BRCA1: variants seen among roughly 807,000 people sequenced by gnomAD.
BRCA1 encodes BRCA1 DNA repair associated.
A neutral mutation model predicts 173.7 loss-of-function variants in BRCA1; 140 were observed. The ratio of observed to expected loss-of-function variants is 0.81; its 90% CI spans 0.70 to 0.93. The LOEUF is 0.93. Among genes scored for constraint, BRCA1 ranks in the 40% least tolerant of loss-of-function variants. BRCA1 has a pLI of 0.00. For synonymous variants in BRCA1, 662 were observed against 756.0 expected (o/e 0.88, Z 2.04); for missense variants, 1,983 against 2,172.5 (o/e 0.91, Z 1.73).
In BRCA1 at chr17:43,091,566, T is replaced by G. The variant is rs80357042; in HGVS notation, c.3965A>C (p.Lys1322Thr). The part of the protein sequence containing the change: ...TQDPFLIGSS[K>T]QMRHQSESQG... Reference sequence around the variant, plus strand: ...GCTTTCAGACTGATGCCTCATTTGTTTGGAAGAACCAATCAAGAAAGGATC... The same window carrying G: ...GCTTTCAGACTGATGCCTCATTTGTGTGGAAGAACCAATCAAGAAAGGATC... The change falls in exon 10 of 23, where the codon AAA becomes ACA. Residue 1322 changes from lysine to threonine, a missense_variant. Physicochemically the swap from Lys to Thr is moderately conservative, Grantham distance 78 (BLOSUM62 -1). Coordinates refer to ENST00000357654, the MANE Select transcript of BRCA1 (RefSeq NM_007294.4). 1 of 1,614,090 alleles carries G rather than the reference T, an allele frequency of 6.2e-7. No individual in the cohort carries two copies. Among genetic ancestry groups the G allele is most frequent in the Non-Finnish European group, 8.5e-7 (1 of 1,180,040 alleles).
rs80357086 is a variant in BRCA1, at chr17:43,106,480, A to T, written c.188T>A (p.Leu63Ter). Residue 63 changes from leucine (L) to a stop codon, truncating the protein, a stop_gained, in exon 4 of 23, where the codon TTA becomes TAA. Coordinates refer to ENST00000357654, the MANE Select transcript of BRCA1 (RefSeq NM_007294.4). LOFTEE classifies it high-confidence loss of function. ...CCTTTTGGTTATATCATTCTTACAT[A>T]AAGGACACTGTGAAGGCCCTTTCTT... ...NQKKGPSQCPLCKNDITKRSL... is the reference protein window; with the variant it reads ...NQKKGPSQCP 5 of 1,603,198 alleles carry T rather than the reference A, an allele frequency of 3.1e-6. No individual in the cohort carries two copies. The East Asian group carries it at 1.1e-4, about 36-fold the overall frequency.
intron 3 of BRCA1, chr17:43,110,643 A>G (rs1380468954): frequency 2.7e-6 from 1 of 369,384 alleles, no homozygotes; most frequent in Non-Finnish European, 5.4e-6. Flanking sequence ...TATTGCTCAC[A>G]TTCTATCTCT....
intron 12 of BRCA1, among the ~76,000 whole-genome samples, chr17:43,080,661 T>C (rs2052964848): frequency 6.6e-6 from 1 of 151,834 alleles, no homozygotes; most frequent in Admixed American, 6.6e-5. Context: ...AAAAAAAAAT[T>C]AGCTGGGTAT....
In BRCA1 at chr17:43,092,776, G is replaced by T. The variant is rs2154361097; in HGVS notation, c.2755C>A (p.Pro919Thr). Residue 919 changes from proline (P) to threonine (T), a missense_variant, in exon 10 of 23, where the codon CCT (proline) becomes ACT (threonine). Coordinates refer to ENST00000357654, the MANE Select transcript of BRCA1 (RefSeq NM_007294.4). Reference sequence around the variant, plus strand: ...GCAGTGATATTAACTGTCTGTACAGGCTTGATATTAGACTCATTCTTTCCT... The same window carrying T: ...GCAGTGATATTAACTGTCTGTACAGTCTTGATATTAGACTCATTCTTTCCT... Reference protein sequence around the residue: ...NQGKNESNIKPVQTVNITAGF... With the variant: ...NQGKNESNIKTVQTVNITAGF... The T allele has an allele frequency of 6.2e-7, 1 of 1,613,996 alleles. No individual in the cohort carries two copies. Among genetic ancestry groups the T allele is most frequent in the Non-Finnish European group, 8.5e-7 (1 of 1,179,978 alleles).
chr17:43,074,274 T>C lies in BRCA1; in HGVS notation c.4675+57A>G. On this transcript the variant is annotated intron_variant, in intron 14 of 22. Coordinates refer to ENST00000357654, the MANE Select transcript of BRCA1 (RefSeq NM_007294.4). ...AAGTTGGTTAACCAGAATATCTTTA[T>C]GTAGGATTCAGAGTAAAATCAAAGT... 3 of 1,591,560 alleles carry C rather than the reference T, an allele frequency of 1.9e-6. No individual in the cohort carries two copies. In the South Asian group the frequency reaches 3.3e-5, roughly 18 times the overall value.
chr17:43,140,799 C>T (rs914167978), intron 1 of BRCA1, among the ~76,000 whole-genome samples: 5 of 152,182 alleles, frequency 3.3e-5, no homozygotes, highest in Non-Finnish European at 5.9e-5. Flanking sequence ...CCAGGCACAA[C>T]GTCTGGCATG....
intron 8 of BRCA1, 121 bp downstream of exon 8, chr17:43,097,123 C>T: frequency 9.8e-7 from 1 of 1,019,248 alleles, no homozygotes; most frequent in Non-Finnish European, 1.5e-6. Context: ...ACAAACTGCA[C>T]ATACATCCCT....
rs1259139517 is a variant in BRCA1, at chr17:43,076,582, G to C, written c.4390C>G (p.Pro1464Ala). ...AGGCCTTCTGGATTCTGGCTTATAG[G>C]GTATTCACTACTTTTCTGTGAAGTT... ...VLTSQKSSEY[P>A]ISQNPEGLSA... The change falls in exon 13 of 23, where the codon CCT (proline) becomes GCT (alanine). Residue 1464 changes from proline (P) to alanine (A), a missense_variant. Physicochemically the swap from Pro to Ala is conservative, Grantham distance 27 (BLOSUM62 -1). Transcript: ENST00000357654. 15 of 1,613,410 alleles carry C rather than the reference G, an allele frequency of 9.3e-6. No homozygotes were observed. Among genetic ancestry groups the C allele is most frequent in the Non-Finnish European group, 1.3e-5 (15 of 1,179,678 alleles).
intron 18 of BRCA1, among the ~76,000 whole-genome samples, chr17:43,059,617 C>CTATTAATATTAA (rs754660020): frequency 4.1e-4 from 62 of 152,266 alleles, no homozygotes; most frequent in Middle Eastern, 3.4e-3. Flanking sequence ...TTTAATATTA[C>CTATTAATATTAA]TAACAAGATC....
chr17:43,135,455 G>T (rs775819790), intron 1 of BRCA1, among the ~76,000 whole-genome samples: 1 of 152,232 alleles, frequency 6.6e-6, no homozygotes, highest in African/African-American at 2.4e-5. Flanking sequence ...GGCTGCGACA[G>T]GGACCTGATA....
At chr17:43,149,265 GT>G (rs57452879) in intron 1 of BRCA1, among the ~76,000 whole-genome samples, 8,575 of 116,870 alleles carry the variant, frequency 0.073, 651 homozygotes, top group African/African-American at 0.22. Flanking sequence ...CACCGGGCTA[GT>G]TTTTTTTTTT....
chr17:43,094,900 A>C, intron 9 of BRCA1, 40 bp from the exon 10 acceptor site: 1 of 1,545,506 alleles, frequency 6.5e-7, no homozygotes, highest in East Asian at 2.4e-5. Context: ...CAAAAACTGA[A>C]TTGTCATTAA....
At chr17:43,089,715 TA>T (rs1024880674) in intron 11 of BRCA1, among the ~76,000 whole-genome samples, 26 of 147,352 alleles carry the variant, frequency 1.8e-4, no homozygotes, top group Non-Finnish European at 1.7e-4. Flanking sequence ...TATGAGCAAT[TA>T]AAAAAAAAAT....
In BRCA1 at chr17:43,052,636, T is replaced by C. The variant is rs114112971; in HGVS notation, c.5278-1519A>G. On this transcript the variant is annotated intron_variant, in intron 19 of 22. Transcript: ENST00000357654. Reference sequence around the variant, plus strand: ...GACTCTCAGTGTCTTGACCTTCCCATTGCAATAAAAAGAAAATTGCCAAGG... The same window carrying C: ...GACTCTCAGTGTCTTGACCTTCCCACTGCAATAAAAAGAAAATTGCCAAGG... Among the ~76,000 whole-genome samples the C allele has an allele frequency of 9.4e-3, 1,435 of 152,060 alleles. 19 individuals are homozygous for C. Among genetic ancestry groups the C allele is most frequent in the African/African-American group, 0.033 (1,352 of 41,458 alleles).
intron 14 of BRCA1, among the ~76,000 whole-genome samples, chr17:43,073,857 T>A (rs915546276): frequency 6.6e-6 from 1 of 152,030 alleles, no homozygotes. Context: ...CGGGTTCAAG[T>A]GATTCTGCTG....
At chr17:43,097,421 G>A in intron 7 of BRCA1, 132 bp from the exon 8 acceptor site, 11 of 798,026 alleles carry the variant, frequency 1.4e-5, no homozygotes, top group Non-Finnish European at 2.4e-5. Flanking sequence ...CAGGTACAAT[G>A]CTAGTTAAGC....
At chr17:43,050,047 T>A (rs879684388) in intron 20 of BRCA1, 20 of 398,472 alleles carry the variant, frequency 5.0e-5, no homozygotes, top group Non-Finnish European at 8.0e-5. Context: ...ATAAAGAGGA[T>A]GGAAACAAAA....
At chr17:43,061,710 G>A (rs567683345) in intron 18 of BRCA1, among the ~76,000 whole-genome samples, 30 of 151,938 alleles carry the variant, frequency 2.0e-4, no homozygotes, top group Non-Finnish European at 3.4e-4. Context: ...AGCCTCCCCA[G>A]CAGCTAGGAT....
chr17:43,071,777 G>C (rs1244946976), intron 14 of BRCA1, among the ~76,000 whole-genome samples: 1 of 150,646 alleles, frequency 6.6e-6, no homozygotes, highest in Non-Finnish European at 1.5e-5. Flanking sequence ...GCCGAGACGG[G>C]TGGATCACGA....
Sources: allele counts gnomAD v4.1 joint callset (sites outside exome capture counted in the v4.1 genomes callset), GRCh38; gene constraint gnomAD v4.1.1; transcripts MANE v1.5; gene names NCBI Gene and HGNC (gene_info 2026-07-23, HGNC 2026-07-21).